Variants in KIFAP3 observed in about 807,000 individuals in gnomAD.
KIFAP3 encodes the protein kinesin-associated protein 3.
Under a neutral mutation model 106.5 loss-of-function variants are expected in KIFAP3, and 68 were observed. The observed-to-expected ratio is 0.64, with a 90% confidence interval of 0.53 to 0.78. The LOEUF (loss-of-function observed/expected upper bound fraction) is 0.78, where lower values mean the gene tolerates loss of function less well. Ranked by LOEUF, KIFAP3 falls within the 30% of genes least tolerant of loss-of-function variation. The pLI is 0.00. For synonymous variants in KIFAP3, 320 were observed against 311.5 expected (o/e 1.03, Z -0.29); for missense variants, 780 against 941.8 (o/e 0.83, Z 2.25).
chr1:170,028,232 G>A (rs553819319), intron 8 of KIFAP3, among the ~76,000 whole-genome samples: 15 of 152,166 alleles, frequency 9.9e-5, no homozygotes, highest in African/African-American at 3.6e-4. Flanking sequence ...AATGGAAATG[G>A]TAACTCTACA....
intron 11 of KIFAP3, among the ~76,000 whole-genome samples, chr1:169,991,030 T>C (rs1667072043): frequency 6.6e-6 from 1 of 152,086 alleles, no homozygotes; most frequent in African/African-American, 2.4e-5. Context: ...AATAAAAATA[T>C]TAACAAATCA....
intron 11 of KIFAP3, among the ~76,000 whole-genome samples, chr1:169,987,155 C>T (rs535262547): frequency 9.9e-5 from 15 of 152,068 alleles, no homozygotes; most frequent in African/African-American, 3.1e-4. Context: ...AATTTGATTG[C>T]TATGATGGCA....
intron 16 of KIFAP3, among the ~76,000 whole-genome samples, chr1:169,973,192 C>CA (rs1666026838): frequency 7.6e-6 from 1 of 131,618 alleles, no homozygotes. Context: ...AAAACAAAAG[C>CA]AAAAATCATT....
At chr1:169,985,164 T>C (rs1666754817) in intron 11 of KIFAP3, among the ~76,000 whole-genome samples, 1 of 151,918 alleles carries the variant, frequency 6.6e-6, no homozygotes. Flanking sequence ...TTAAAGATTT[T>C]GGCCTTCGTG....
intron 3 of KIFAP3, among the ~76,000 whole-genome samples, chr1:170,044,485 A>G (rs1670141317): frequency 6.6e-6 from 1 of 152,186 alleles, no homozygotes; most frequent in Non-Finnish European, 1.5e-5. Flanking sequence ...TTTTCACTTA[A>G]GAGGCATTTA....
At chr1:169,952,226 A>C (rs1386869743) in intron 19 of KIFAP3, among the ~76,000 whole-genome samples, 6 of 152,024 alleles carry the variant, frequency 3.9e-5, no homozygotes, top group Admixed American at 6.5e-5. Flanking sequence ...ACACTGAACT[A>C]CACAAAAGGT....
intron 11 of KIFAP3, among the ~76,000 whole-genome samples, chr1:169,987,223 G>GT (rs1196825946): frequency 6.6e-6 from 1 of 152,004 alleles, no homozygotes; most frequent in African/African-American, 2.4e-5. Flanking sequence ...GATTTGTTCT[G>GT]TTTTAACTAT....
At chr1:170,023,247 T>A (rs530653522) in intron 9 of KIFAP3, among the ~76,000 whole-genome samples, 33 of 152,138 alleles carry the variant, frequency 2.2e-4, no homozygotes, top group African/African-American at 7.7e-4. Flanking sequence ...TTTCATAAAT[T>A]CAATAATTAT....
chr1:169,938,654 G>C (rs1422100432), intron 19 of KIFAP3, among the ~76,000 whole-genome samples: 1 of 152,112 alleles, frequency 6.6e-6, no homozygotes, highest in Non-Finnish European at 1.5e-5. Flanking sequence ...GACAGTCAAA[G>C]TTCTTGCCCA....
upstream of KIFAP3, among the ~76,000 whole-genome samples, chr1:170,076,958 C>T (rs895430206): frequency 1.3e-5 from 2 of 152,126 alleles, no homozygotes; most frequent in South Asian, 2.1e-4. Flanking sequence ...ACTTCTGGGT[C>T]GGGTGGGGAC....
chr1:169,921,863 C>T (rs1282788345), intron 19 of KIFAP3, 82 bp from the exon 20 acceptor site: 3 of 987,822 alleles, frequency 3.0e-6, no homozygotes, highest in Non-Finnish European at 3.1e-6. Context: ...CATTTTTATA[C>T]CACCAAGATT....
At chr1:169,981,917 T>C in intron 15 of KIFAP3, 55 bp downstream of exon 15, 1 of 1,390,056 alleles carries the variant, frequency 7.2e-7, no homozygotes, top group Non-Finnish European at 9.9e-7. Flanking sequence ...TATTTAAATA[T>C]TTAAATCAAT....
chr1:170,071,389 G>A (rs1671694223), intron 1 of KIFAP3, among the ~76,000 whole-genome samples: 1 of 152,088 alleles, frequency 6.6e-6, no homozygotes. Context: ...TCCATAAAAT[G>A]GAATACTGAA....
chr1:170,058,415 T>G (rs2102132307), intron 1 of KIFAP3, among the ~76,000 whole-genome samples: 1 of 152,314 alleles, frequency 6.6e-6, no homozygotes, highest in East Asian at 1.9e-4. Context: ...GCTATGCATC[T>G]ATTTCCTCCA....
chr1:170,065,193 T>C (rs1052482593), intron 1 of KIFAP3, among the ~76,000 whole-genome samples: 1 of 152,226 alleles, frequency 6.6e-6, no homozygotes, highest in Non-Finnish European at 1.5e-5. Flanking sequence ...AATATGGTCA[T>C]TTTAGCATTC....
At chr1:170,005,317 G>A (rs574009663) in intron 10 of KIFAP3, among the ~76,000 whole-genome samples, 19 of 152,222 alleles carry the variant, frequency 1.2e-4, no homozygotes, top group Non-Finnish European at 2.5e-4. Flanking sequence ...CAGGGATCTA[G>A]AACTAGAAAT....
At chr1:170,074,334 G>T in intron 1 of KIFAP3, 102 bp downstream of exon 1, 1 of 1,213,030 alleles carries the variant, frequency 8.2e-7, no homozygotes, top group Non-Finnish European at 1.2e-6. Flanking sequence ...TTCCCATCCC[G>T]TCTGCTAAAC....
intron 10 of KIFAP3, among the ~76,000 whole-genome samples, chr1:170,003,225 T>G (rs1210284566): frequency 6.6e-6 from 1 of 152,212 alleles, no homozygotes; most frequent in African/African-American, 2.4e-5. Context: ...TTTTTGGACT[T>G]ACTCATTATA....
At position 169,987,059 on chromosome 1, in the gene KIFAP3, G is replaced by A. The variant is rs371589357; in HGVS notation, c.1285-2369C>T. Among the ~76,000 whole-genome samples, 5 of 151,922 alleles carry A rather than the reference G, an allele frequency of 3.3e-5. No individual in the cohort carries two copies. The East Asian group carries it at 7.7e-4, about 23-fold the overall frequency. ...ATAGAATTAGTTTTTCATAATAAGA[G>A]AGATAAACATTTCAATTTTAATTAA... is the stretch of plus-strand genomic sequence containing the variant. On this transcript the variant is annotated intron_variant, in intron 11 of 19. Coordinates refer to ENST00000361580, the MANE Select transcript of KIFAP3 (RefSeq NM_014970.4).
Sources: gnomAD v4.1 joint callset for allele counts (sites outside exome capture counted in the v4.1 genomes callset) on GRCh38, gnomAD v4.1.1 for gene constraint, MANE v1.5 for transcripts, NCBI Gene and HGNC (gene_info 2026-07-23, HGNC 2026-07-21) for gene names.